DOK6: variants seen among roughly 807,000 people sequenced by gnomAD.
The protein encoded by DOK6 is downstream of tyrosine kinase 6.
Under a neutral mutation model 44.0 loss-of-function variants are expected in DOK6, and 22 were observed. The observed-to-expected ratio is 0.50, with a 90% CI of 0.36 to 0.71. The LOEUF is 0.71. Ranked by LOEUF, DOK6 falls within the 30% of genes least tolerant of loss-of-function variation. The pLI, the probability that DOK6 is intolerant of heterozygous loss-of-function variation, is 0.00. For synonymous variants in DOK6, 166 were observed against 145.5 expected (o/e 1.14, Z -1.01); for missense variants, 340 against 416.4 (o/e 0.82, Z 1.60).
chr18:69,724,599 A>G (rs1432791441), intron 5 of DOK6, among the ~76,000 whole-genome samples: 1 of 152,172 alleles, frequency 6.6e-6, no homozygotes, highest in Non-Finnish European at 1.5e-5. Flanking sequence ...CCCATTCTTT[A>G]TAATAGTTGG....
chr18:69,508,612 C>T (rs921191182), intron 1 of DOK6, among the ~76,000 whole-genome samples: 1 of 152,032 alleles, frequency 6.6e-6, no homozygotes, highest in African/African-American at 2.4e-5. Flanking sequence ...AGATTGATAG[C>T]GTTTGGGTTA....
At chr18:69,786,520 T>G (rs1980435433) in intron 7 of DOK6, among the ~76,000 whole-genome samples, 2 of 152,158 alleles carry the variant, frequency 1.3e-5, no homozygotes, top group South Asian at 4.1e-4. Flanking sequence ...TGGGGGAAAT[T>G]TGAGTGGTGA....
intron 1 of DOK6, among the ~76,000 whole-genome samples, chr18:69,436,481 A>T (rs1978983804): frequency 6.6e-6 from 1 of 152,142 alleles, no homozygotes. Flanking sequence ...CCTGCAAAGG[A>T]CATGAACTCA....
At chr18:69,817,845 T>C (rs1184953147) in intron 7 of DOK6, among the ~76,000 whole-genome samples, 1 of 152,110 alleles carries the variant, frequency 6.6e-6, no homozygotes, top group African/African-American at 2.4e-5. Context: ...CAGAGACCAG[T>C]TCACCACCAG....
At chr18:69,499,304 TA>T (rs981474532) in intron 1 of DOK6, among the ~76,000 whole-genome samples, 3 of 152,124 alleles carry the variant, frequency 2.0e-5, no homozygotes, top group Non-Finnish European at 4.4e-5. Flanking sequence ...GTTTTTAAAA[TA>T]ATTTTTTATC....
chr18:69,444,464 A>G (rs1334778682), intron 1 of DOK6, among the ~76,000 whole-genome samples: 1 of 152,146 alleles, frequency 6.6e-6, no homozygotes, highest in Non-Finnish European at 1.5e-5. Context: ...AATCCCACAC[A>G]TGAGCTATGC....
chr18:69,687,991 T>C (rs939046335), intron 4 of DOK6, among the ~76,000 whole-genome samples: 6 of 152,260 alleles, frequency 3.9e-5, no homozygotes, highest in African/African-American at 1.4e-4. Flanking sequence ...AATTCAATGA[T>C]GTTGCAGGAT....
At chr18:69,404,099 G>A (rs531868631) in intron 1 of DOK6, among the ~76,000 whole-genome samples, 1 of 152,276 alleles carries the variant, frequency 6.6e-6, no homozygotes, top group South Asian at 2.1e-4. Flanking sequence ...AAAAAGGCCT[G>A]GATATGAGGC....
chr18:69,574,908 G>A (rs771552656), intron 2 of DOK6, among the ~76,000 whole-genome samples: 2 of 152,102 alleles, frequency 1.3e-5, no homozygotes, highest in Non-Finnish European at 2.9e-5. Flanking sequence ...AAAAATAGAT[G>A]TCAGAGTCCT....
intron 1 of DOK6, among the ~76,000 whole-genome samples, chr18:69,479,843 A>G (rs1980369792): frequency 6.6e-6 from 1 of 152,202 alleles, no homozygotes; most frequent in Admixed American, 6.6e-5. Context: ...GATGCCACTA[A>G]TATGATTAAA....
intron 1 of DOK6, among the ~76,000 whole-genome samples, chr18:69,536,979 C>CATTATTATTATT (rs6146369): frequency 0.05 from 7,277 of 144,796 alleles, 211 homozygotes; most frequent in Middle Eastern, 0.083. Flanking sequence ...GAAGATTTAT[C>CATTATTATTATT]ATTATTATTA....
At chr18:69,519,950 G>T (rs940302913) in intron 1 of DOK6, among the ~76,000 whole-genome samples, 1 of 151,656 alleles carries the variant, frequency 6.6e-6, no homozygotes, top group Non-Finnish European at 1.5e-5. Context: ...AAATGTTATT[G>T]TTCATGATTA....
At chr18:69,645,252 G>A (rs1404055392) in intron 3 of DOK6, among the ~76,000 whole-genome samples, 1 of 152,152 alleles carries the variant, frequency 6.6e-6, no homozygotes, top group East Asian at 1.9e-4. Flanking sequence ...GCTACCCTGT[G>A]AGAGGTGCAT....
At chr18:69,551,900 T>C (rs934107939) in intron 1 of DOK6, among the ~76,000 whole-genome samples, 1 of 152,198 alleles carries the variant, frequency 6.6e-6, no homozygotes, top group Non-Finnish European at 1.5e-5. Flanking sequence ...AAATCACTTC[T>C]AAAATGTATT....
At chr18:69,441,188 AAAGT>A (rs1979128138) in intron 1 of DOK6, among the ~76,000 whole-genome samples, 1 of 152,182 alleles carries the variant, frequency 6.6e-6, no homozygotes, top group South Asian at 2.1e-4. Context: ...AGATGAAGTT[AAAGT>A]AACATTTTAT....
intron 3 of DOK6, among the ~76,000 whole-genome samples, chr18:69,625,278 C>T (rs1984532499): frequency 6.6e-6 from 1 of 152,034 alleles, no homozygotes; most frequent in African/African-American, 2.4e-5. Flanking sequence ...AGTTAACACC[C>T]TAAGAGGAGC....
intron 2 of DOK6, among the ~76,000 whole-genome samples, chr18:69,595,673 T>C (rs2144619682): frequency 6.6e-6 from 1 of 152,326 alleles, no homozygotes; most frequent in South Asian, 2.1e-4. Flanking sequence ...CAAACTGATG[T>C]CTTATCCTTC....
chr18:69,491,844 C>G (rs998625037), intron 1 of DOK6, among the ~76,000 whole-genome samples: 2 of 152,194 alleles, frequency 1.3e-5, no homozygotes, highest in African/African-American at 4.8e-5. Context: ...TATAAATCAT[C>G]TTTTTTCTTA....
At chr18:69,541,308 G>T (rs1982262575) in intron 1 of DOK6, among the ~76,000 whole-genome samples, 2 of 151,454 alleles carry the variant, frequency 1.3e-5, no homozygotes, top group South Asian at 4.2e-4. Flanking sequence ...GTACTTGCTT[G>T]TGATGGGGAA....
Sources: gnomAD v4.1 joint callset for allele counts (sites outside exome capture counted in the v4.1 genomes callset) on GRCh38, gnomAD v4.1.1 for gene constraint, MANE v1.5 for transcripts, NCBI Gene and HGNC (gene_info 2026-07-23, HGNC 2026-07-21) for gene names.